PDLIM5: variants seen among roughly 807,000 people sequenced by gnomAD.
PDLIM5 encodes the protein PDZ and LIM domain protein 5.
A neutral mutation model predicts 64.2 loss-of-function variants in PDLIM5; 34 were observed. The observed-to-expected ratio is 0.53, with a 90% CI of 0.40 to 0.71. The LOEUF is 0.71. PDLIM5 is among the 30% of genes least tolerant of loss of function. The pLI, the probability that PDLIM5 is intolerant of heterozygous loss-of-function variation, is 0.00. For missense variants in PDLIM5, 683 were observed against 733.6 expected (o/e 0.93, Z 0.80); for synonymous variants, 253 against 269.1 (o/e 0.94, Z 0.59).
chr4:94,634,652 C>G (rs1740414335), intron 8 of PDLIM5, among the ~76,000 whole-genome samples: 1 of 152,152 alleles, frequency 6.6e-6, no homozygotes, highest in Non-Finnish European at 1.5e-5. Context: ...TATTCAAGTA[C>G]AGTCTGGCCA....
At chr4:94,461,196 A>G (rs772059022) in intron 2 of PDLIM5, among the ~76,000 whole-genome samples, 1 of 152,240 alleles carries the variant, frequency 6.6e-6, no homozygotes, top group Non-Finnish European at 1.5e-5. Context: ...AGAGAGAATT[A>G]TGTTTCAACT....
intron 8 of PDLIM5, among the ~76,000 whole-genome samples, chr4:94,639,370 T>G (rs566456112): frequency 2.6e-5 from 4 of 152,086 alleles, no homozygotes; most frequent in Non-Finnish European, 4.4e-5. Flanking sequence ...CAGTCTTAGG[T>G]GGCTGTTGAG....
intron 2 of PDLIM5, among the ~76,000 whole-genome samples, chr4:94,487,011 TTAAAA>T (rs922892679): frequency 1.9e-4 from 29 of 152,014 alleles, no homozygotes; most frequent in South Asian, 6.2e-4. Context: ...TCTTAAAAAA[TTAAAA>T]TAAAATAAAA....
At chr4:94,627,688 G>A (rs1461988487) in intron 8 of PDLIM5, among the ~76,000 whole-genome samples, 1 of 152,176 alleles carries the variant, frequency 6.6e-6, no homozygotes. Context: ...GAGTCTGTAA[G>A]GCCCACAAAG....
chr4:94,476,939 A>G (rs1725375257), intron 2 of PDLIM5, among the ~76,000 whole-genome samples: 1 of 152,210 alleles, frequency 6.6e-6, no homozygotes, highest in Admixed American at 6.5e-5. Flanking sequence ...AAGCACTTGG[A>G]ACATTATCTG....
At chr4:94,663,930 C>T in intron 12 of PDLIM5, 48 bp from the exon 13 acceptor site, 1 of 1,566,794 alleles carries the variant, frequency 6.4e-7, no homozygotes, top group Non-Finnish European at 8.7e-7. Flanking sequence ...GTAAAATCCT[C>T]TTAATATCCT....
chr4:94,625,772 C>T (rs1160958539), intron 8 of PDLIM5, among the ~76,000 whole-genome samples: 1 of 152,058 alleles, frequency 6.6e-6, no homozygotes, highest in Non-Finnish European at 1.5e-5. Context: ...CATTCTTAAC[C>T]TCTGATAGTC....
chr4:94,495,864 G>A (rs1727344893), intron 2 of PDLIM5, among the ~76,000 whole-genome samples: 1 of 152,204 alleles, frequency 6.6e-6, no homozygotes, highest in Non-Finnish European at 1.5e-5. Flanking sequence ...TTTGAAAGAT[G>A]ACCATGGACC....
chr4:94,607,980 A>G, intron 7 of PDLIM5: 1 of 948,958 alleles, frequency 1.1e-6, no homozygotes, highest in Non-Finnish European at 1.5e-6. Flanking sequence ...CATTTAAAAG[A>G]TGGTATAGAT....
intron 7 of PDLIM5, among the ~76,000 whole-genome samples, chr4:94,609,420 A>C (rs1738183968): frequency 6.6e-6 from 1 of 152,212 alleles, no homozygotes. Flanking sequence ...AGGGAAAATT[A>C]TTATTTTAAT....
intron 2 of PDLIM5, among the ~76,000 whole-genome samples, chr4:94,512,161 C>T (rs1370238019): frequency 6.6e-6 from 1 of 152,192 alleles, no homozygotes; most frequent in Non-Finnish European, 1.5e-5. Context: ...GCTGGGACTA[C>T]TGGCATGCCC....
chr4:94,587,901 A>G (rs1166642248), intron 7 of PDLIM5: 2 of 903,570 alleles, frequency 2.2e-6, no homozygotes, highest in East Asian at 1.2e-4. Context: ...AAATTACAAT[A>G]TGAATGATTG....
chr4:94,514,133 C>CTTTTTTTTTTTTTTT (rs34757067), intron 2 of PDLIM5, among the ~76,000 whole-genome samples: 4 of 115,140 alleles, frequency 3.5e-5, no homozygotes, highest in Non-Finnish European at 5.1e-5. Flanking sequence ...CTAGTATTTT[C>CTTTTTTTTTTTTTTT]TTTTTTTTTT....
intron 2 of PDLIM5, among the ~76,000 whole-genome samples, chr4:94,460,346 C>T (rs776902084): frequency 2.6e-5 from 4 of 151,936 alleles, no homozygotes; most frequent in Admixed American, 6.6e-5. Flanking sequence ...TAGAAAAAAA[C>T]GCACTTATTT....
At chr4:94,464,268 G>T (rs72874786) in intron 2 of PDLIM5, among the ~76,000 whole-genome samples, 2,956 of 152,196 alleles carry the variant, frequency 0.019, 74 homozygotes, top group African/African-American at 0.061. Flanking sequence ...AATTGTCCTG[G>T]CTAAATTTTA....
chr4:94,542,260 C>T (rs1270097301), intron 3 of PDLIM5, among the ~76,000 whole-genome samples: 3 of 151,108 alleles, frequency 2.0e-5, no homozygotes, highest in Admixed American at 6.6e-5. Flanking sequence ...TGCAGTGAGC[C>T]GAGATCATGC....
At position 94,587,135 on chromosome 4, in the gene PDLIM5, T is replaced by C. The variant is rs1736292855; in HGVS notation, c.920+691T>C. The C allele has an allele frequency of 2.6e-6, 4 of 1,548,452 alleles. No individual in the cohort carries two copies. In the Admixed American group the frequency reaches 7.0e-5, roughly 27 times the overall value. ...AGCACATACCTTTTCATTTACTTTT[T>C]TTTTTTCAACTTCATAGCAAAATCT... is the stretch of plus-strand genomic sequence containing the variant. On this transcript the variant is annotated intron_variant, in intron 7 of 12. Coordinates refer to ENST00000317968, the MANE Select transcript of PDLIM5 (RefSeq NM_006457.5).
rs748956609 is a variant in PDLIM5 at position 94,584,877 on chromosome 4, A to G, written c.711-688A>G. 1.7e-4 allele frequency: 118 copies of G among 703,482 alleles called. No individual in the cohort carries two copies. The Middle Eastern group carries it at 7.0e-3, about 42-fold the overall frequency. The allele number at this position is 703,482 out of a possible 1,614,324, so 43.6% of individuals were successfully genotyped here. A position where few individuals can be genotyped will look rare whatever the true frequency, so the allele number is the denominator to read the frequency against. On this transcript the variant is annotated intron_variant, in intron 5 of 12. Transcript: ENST00000317968. ...AATTTCAAGAAGTTTGATTTTGACT[A>G]CTATGGACTTTCATTTTCTAGTTGT...
At chr4:94,511,572 T>A (rs1374853607) in intron 2 of PDLIM5, among the ~76,000 whole-genome samples, 2 of 146,958 alleles carry the variant, frequency 1.4e-5, no homozygotes. Flanking sequence ...CTTTTAAATA[T>A]TTTTTACTCA....
Sources: allele counts gnomAD v4.1 joint callset (sites outside exome capture counted in the v4.1 genomes callset), GRCh38; gene constraint gnomAD v4.1.1; transcripts MANE v1.5; gene names NCBI Gene and HGNC (gene_info 2026-07-23, HGNC 2026-07-21).